The following LRP1B variants were observed in gnomAD, a reference collection of about 807,000 sequenced individuals.
LRP1B encodes the protein low-density lipoprotein receptor-related protein 1B.
In LRP1B, 217 loss-of-function variants were observed where a neutral mutation model predicts 556.6. That is an observed-to-expected ratio of 0.39 (90% confidence interval 0.35 to 0.44). The LOEUF is 0.44. Among genes scored for constraint, LRP1B ranks in the 20% least tolerant of loss-of-function variants. The pLI, the probability that LRP1B is intolerant of heterozygous loss-of-function variation, is 1.00. For synonymous variants in LRP1B, 2,047 were observed against 1,865.8 expected, an observed-to-expected ratio of 1.10 and a Z score of -2.50; for missense variants, 5,053 against 5,620.8, an observed-to-expected ratio of 0.90 and a Z score of 3.23.
chr2:140,483,370 T>C (rs1468850018), intron 59 of LRP1B, among the ~76,000 whole-genome samples: 4 of 151,698 alleles, frequency 2.6e-5, no homozygotes, highest in African/African-American at 9.7e-5. Flanking sequence ...AACCTAAAGC[T>C]ATTAATAGAT....
intron 23 of LRP1B, among the ~76,000 whole-genome samples, chr2:140,894,402 G>A (rs1386287387): frequency 6.6e-6 from 1 of 152,098 alleles, no homozygotes; most frequent in Non-Finnish European, 1.5e-5. Context: ...TGGTGCAGAT[G>A]CTGCTTAATT....
chr2:142,006,816 T>C (rs903762862), intron 1 of LRP1B, among the ~76,000 whole-genome samples: 1 of 151,924 alleles, frequency 6.6e-6, no homozygotes, highest in African/African-American at 2.4e-5. Flanking sequence ...ACAGTGCTGA[T>C]GTTTTTGATT....
rs1285609152 is a variant in LRP1B at position 140,231,720 on chromosome 2, ACAG to A, written c.*1463_*1465del. The stretch of plus-strand genomic sequence containing the variant: ...GTACAACAAAAAGTCTTCTTATAAA[ACAG>A]CAGTTTTTTTAATGCTTGTACAAAG... On this transcript the variant is annotated 3_prime_UTR_variant, in exon 91 of 91. Coordinates refer to ENST00000389484, the MANE Select transcript of LRP1B (RefSeq NM_018557.3). 1.3e-5 allele frequency: 2 copies of A among 151,692 alleles called. No homozygotes were observed. Among genetic ancestry groups the A allele is most frequent in the African/African-American group, 2.4e-5 (1 of 41,324 alleles). 9.4% of individuals were successfully genotyped at this position (151,692 alleles called of 1,614,324 possible). A position where few individuals can be genotyped will look rare whatever the true frequency, so the allele number is the denominator to read the frequency against.
chr2:141,738,946 T>C (rs1487033813), intron 2 of LRP1B, among the ~76,000 whole-genome samples: 1 of 152,128 alleles, frequency 6.6e-6, no homozygotes, highest in Non-Finnish European at 1.5e-5. Flanking sequence ...CAACATAGGA[T>C]TGTTATTACA....
intron 35 of LRP1B, among the ~76,000 whole-genome samples, chr2:140,719,273 T>A (rs1041785235): frequency 2.6e-5 from 4 of 152,118 alleles, no homozygotes; most frequent in Non-Finnish European, 5.9e-5. Flanking sequence ...AAATGCTTTT[T>A]AGCTCATTAA....
At chr2:140,339,588 C>T (rs1681268908) in intron 77 of LRP1B, among the ~76,000 whole-genome samples, 1 of 151,544 alleles carries the variant, frequency 6.6e-6, no homozygotes, top group Non-Finnish European at 1.5e-5. Context: ...GCGTGTGTGT[C>T]TCTGTAGGAT....
At chr2:140,969,817 G>A (rs1696354881) in intron 18 of LRP1B, among the ~76,000 whole-genome samples, 1 of 152,084 alleles carries the variant, frequency 6.6e-6, no homozygotes, top group Non-Finnish European at 1.5e-5. Context: ...ATCCTGGGTT[G>A]AAAATTCTTT....
intron 66 of LRP1B, among the ~76,000 whole-genome samples, chr2:140,430,507 C>T (rs894731954): frequency 3.3e-5 from 5 of 152,172 alleles, no homozygotes; most frequent in African/African-American, 1.2e-4. Context: ...CTAGGCAATG[C>T]TTATGCTGAT....
chr2:141,236,916 T>C (rs1198091530), intron 5 of LRP1B, among the ~76,000 whole-genome samples: 1 of 152,162 alleles, frequency 6.6e-6, no homozygotes, highest in Non-Finnish European at 1.5e-5. Context: ...CAAACTAGAT[T>C]CTACATGTCA....
intron 3 of LRP1B, among the ~76,000 whole-genome samples, chr2:141,463,903 A>G (rs1052916162): frequency 1.3e-5 from 2 of 148,766 alleles, no homozygotes; most frequent in African/African-American, 4.9e-5. Flanking sequence ...TATATCTCAA[A>G]TTTTTTCTGA....
chr2:140,937,107 C>A (rs897546221), intron 20 of LRP1B, among the ~76,000 whole-genome samples: 1 of 151,974 alleles, frequency 6.6e-6, no homozygotes, highest in South Asian at 2.1e-4. Context: ...AGAATATACA[C>A]AAAAACAAAT....
intron 2 of LRP1B, among the ~76,000 whole-genome samples, chr2:141,800,470 C>T (rs1695974522): frequency 6.6e-6 from 1 of 152,200 alleles, no homozygotes; most frequent in East Asian, 1.9e-4. Context: ...AATATTGCCT[C>T]CTCTTCAAGA....
At chr2:142,055,795 G>A (rs561044842) in intron 1 of LRP1B, among the ~76,000 whole-genome samples, 26 of 152,126 alleles carry the variant, frequency 1.7e-4, no homozygotes, top group African/African-American at 4.6e-4. Flanking sequence ...ATACTGCAAG[G>A]CTTTACTAAA....
intron 1 of LRP1B, among the ~76,000 whole-genome samples, chr2:141,969,419 C>T (rs1701660430): frequency 6.6e-6 from 1 of 151,408 alleles, no homozygotes; most frequent in Non-Finnish European, 1.5e-5. Context: ...CACCTGACCC[C>T]CACCTCCCGC....
intron 8 of LRP1B, among the ~76,000 whole-genome samples, chr2:141,061,740 A>G (rs1699341594): frequency 6.6e-6 from 1 of 151,870 alleles, no homozygotes. Context: ...TAAATAGGCC[A>G]TAACATCTGA....
intron 23 of LRP1B, among the ~76,000 whole-genome samples, chr2:140,901,001 T>C (rs959084241): frequency 2.0e-5 from 3 of 152,184 alleles, no homozygotes; most frequent in African/African-American, 7.2e-5. Context: ...ATGAAGCATG[T>C]GGACTCCTCA....
At chr2:141,972,089 A>G (rs942695081) in intron 1 of LRP1B, among the ~76,000 whole-genome samples, 11 of 151,700 alleles carry the variant, frequency 7.3e-5, no homozygotes, top group African/African-American at 2.7e-4. Flanking sequence ...TTTTGTGTGC[A>G]TAACTTGATG....
intron 43 of LRP1B, among the ~76,000 whole-genome samples, chr2:140,580,251 C>T (rs6730269): frequency 0.95 from 144,209 of 152,288 alleles, 68,291 homozygotes; most frequent in East Asian, 1. Context: ...ACAAAAAAGA[C>T]GCAAGGTCTG....
chr2:140,474,527 C>T (rs1687890529), intron 60 of LRP1B, among the ~76,000 whole-genome samples: 1 of 151,802 alleles, frequency 6.6e-6, no homozygotes, highest in African/African-American at 2.4e-5. Context: ...TTTATTTGTT[C>T]AGGAAAAAAT....
Sources: allele counts gnomAD v4.1 joint callset (sites outside exome capture counted in the v4.1 genomes callset), GRCh38; gene constraint gnomAD v4.1.1; transcripts MANE v1.5; gene names NCBI Gene and HGNC (gene_info 2026-07-23, HGNC 2026-07-21).